Variants in RHOJ observed in about 807,000 individuals in gnomAD.
RHOJ encodes the protein rho-related GTP-binding protein RhoJ.
In RHOJ, 11 loss-of-function variants were observed where a neutral mutation model predicts 23.4. That is an observed-to-expected ratio of 0.47 (90% CI 0.30 to 0.78). The LOEUF (loss-of-function observed/expected upper bound fraction) is 0.78. Ranked by LOEUF, RHOJ falls within the 30% of genes least tolerant of loss-of-function variation. The probability of loss-of-function intolerance (pLI) is 0.08; values close to 1 mark genes in which losing one functional copy is unlikely to be tolerated. For synonymous variants in RHOJ, 102 were observed against 102.7 expected, an observed-to-expected ratio of 0.99 and a Z score of 0.04; for missense variants, 254 against 273.4, an observed-to-expected ratio of 0.93 and a Z score of 0.50.
chr14:63,253,378 T>G (rs906933358), intron 1 of RHOJ, among the ~76,000 whole-genome samples: 3 of 152,050 alleles, frequency 2.0e-5, no homozygotes, highest in African/African-American at 7.2e-5. Flanking sequence ...AAGAATCACC[T>G]GCCTCAGCTT....
intron 1 of RHOJ, among the ~76,000 whole-genome samples, chr14:63,219,798 G>C (rs1894446305): frequency 7.1e-6 from 1 of 141,056 alleles, no homozygotes; most frequent in South Asian, 2.4e-4. Context: ...CCTGGTGACA[G>C]AGCGAGATTG....
chr14:63,224,449 G>T (rs200117376), intron 1 of RHOJ, among the ~76,000 whole-genome samples: 17 of 152,234 alleles, frequency 1.1e-4, no homozygotes, highest in East Asian at 3.9e-4. Context: ...AGCAGCAGTT[G>T]GGGGGAGGGG....
intron 1 of RHOJ, among the ~76,000 whole-genome samples, chr14:63,217,133 T>A (rs1487101758): frequency 4.0e-5 from 6 of 151,036 alleles, no homozygotes; most frequent in East Asian, 3.9e-4. Flanking sequence ...CATGTGCACA[T>A]TGTGCAGGTT....
At chr14:63,255,093 G>T (rs968593200) in intron 1 of RHOJ, among the ~76,000 whole-genome samples, 1 of 151,994 alleles carries the variant, frequency 6.6e-6, no homozygotes, top group Non-Finnish European at 1.5e-5. Flanking sequence ...AAGACCTAAG[G>T]TTACTTTGTT....
At chr14:63,226,320 T>C (rs775056931) in intron 1 of RHOJ, among the ~76,000 whole-genome samples, 3 of 151,840 alleles carry the variant, frequency 2.0e-5, no homozygotes, top group Non-Finnish European at 4.4e-5. Context: ...CAAGGAGAGA[T>C]GGCAAGACAC....
chr14:63,286,552 C>A (rs752627756), intron 4 of RHOJ, among the ~76,000 whole-genome samples: 8 of 152,196 alleles, frequency 5.3e-5, no homozygotes, highest in Non-Finnish European at 1.2e-4. Flanking sequence ...AGTTCACCCA[C>A]AAATGTTTTC....
At chr14:63,272,288 T>C (rs1217598381) in intron 2 of RHOJ, among the ~76,000 whole-genome samples, 1 of 152,204 alleles carries the variant, frequency 6.6e-6, no homozygotes, top group Non-Finnish European at 1.5e-5. Context: ...GGTAGAATAA[T>C]CTGCCTCTTC....
chr14:63,225,662 G>C (rs768490000), intron 1 of RHOJ, among the ~76,000 whole-genome samples: 35 of 152,138 alleles, frequency 2.3e-4, no homozygotes, highest in South Asian at 1.2e-3. Context: ...AGACTCTAAC[G>C]TATTTTGAAA....
intron 3 of RHOJ, among the ~76,000 whole-genome samples, chr14:63,282,124 CT>C (rs964742199): frequency 4.6e-5 from 7 of 152,150 alleles, no homozygotes; most frequent in Admixed American, 2.0e-4. Context: ...TAAATGAAGT[CT>C]TTTGCCTTGA....
intron 1 of RHOJ, among the ~76,000 whole-genome samples, chr14:63,214,577 CAG>C (rs1315424007): frequency 7.9e-5 from 12 of 152,172 alleles, no homozygotes; most frequent in Admixed American, 4.6e-4. Flanking sequence ...AGTGAGGAAA[CAG>C]AGTGTTCTCA....
In RHOJ at chr14:63,282,917, C is replaced by T. The variant is rs185762071; in HGVS notation, c.403-204C>T. 8.6e-5 allele frequency among the ~76,000 whole-genome samples: 13 copies of T among 152,034 alleles called. No homozygotes were observed. In the East Asian group the frequency reaches 1.9e-3, roughly 23 times the overall value. On this transcript the variant is annotated intron_variant, in intron 3 of 4. Transcript: ENST00000316754. ...CAGGGTAACTGTTTGAAGGGGAAAA[C>T]GTAAGGAAAGTCTGTTGTGTACATT...
At chr14:63,258,609 C>T (rs964197381) in intron 1 of RHOJ, among the ~76,000 whole-genome samples, 5 of 152,132 alleles carry the variant, frequency 3.3e-5, no homozygotes, top group African/African-American at 4.8e-5. Flanking sequence ...CCCAACAGCC[C>T]AAAGGAGAGT....
intron 1 of RHOJ, among the ~76,000 whole-genome samples, chr14:63,266,088 A>G (rs187141265): frequency 5.6e-4 from 86 of 152,334 alleles, no homozygotes; most frequent in Admixed American, 2.0e-3. Flanking sequence ...AAGACATGGA[A>G]AGGAAAAGGA....
At chr14:63,205,517 C>T (rs1338682027) in intron 1 of RHOJ, among the ~76,000 whole-genome samples, 2 of 152,144 alleles carry the variant, frequency 1.3e-5, no homozygotes, top group East Asian at 1.9e-4. Flanking sequence ...TAATAAAACA[C>T]TCATTTTTTC....
At chr14:63,257,920 T>C (rs1280416112) in intron 1 of RHOJ, among the ~76,000 whole-genome samples, 1 of 149,634 alleles carries the variant, frequency 6.7e-6, no homozygotes, top group Non-Finnish European at 1.5e-5. Flanking sequence ...ACTTTGCCTC[T>C]AACCCATTAG....
At chr14:63,265,722 G>C (rs376567836) in intron 1 of RHOJ, among the ~76,000 whole-genome samples, 53 of 152,342 alleles carry the variant, frequency 3.5e-4, no homozygotes, top group Non-Finnish European at 6.5e-4. Flanking sequence ...TGCATTTTAG[G>C]GGGGGACAGA....
Position 63,281,186 on chromosome 14 carries a change from C to A in RHOJ, c.402+51C>A, listed in dbSNP as rs775126220. The A allele has an allele frequency of 3.9e-6, 6 of 1,536,120 alleles. No individual in the cohort carries two copies. In the African/African-American group the frequency reaches 8.3e-5, roughly 21 times the overall value. On this transcript the variant is annotated intron_variant, in intron 3 of 4. Coordinates refer to ENST00000316754, the MANE Select transcript of RHOJ (RefSeq NM_020663.5). ...GGAGCGGGCTGCAAAAATGGGAAGA[C>A]CCTTTAGGTACCTCGTGAACATCCT...
At chr14:63,221,748 G>A (rs1302481117) in intron 1 of RHOJ, among the ~76,000 whole-genome samples, 1 of 152,224 alleles carries the variant, frequency 6.6e-6, no homozygotes, top group African/African-American at 2.4e-5. Flanking sequence ...TTCGGTGTGA[G>A]TGGATTCACT....
intron 1 of RHOJ, among the ~76,000 whole-genome samples, chr14:63,219,203 T>C (rs912384265): frequency 6.6e-6 from 1 of 152,126 alleles, no homozygotes; most frequent in African/African-American, 2.4e-5. Flanking sequence ...CCATAAACCC[T>C]GCAATTAACT....
Sources: allele counts gnomAD v4.1 joint callset (sites outside exome capture counted in the v4.1 genomes callset), GRCh38; gene constraint gnomAD v4.1.1; transcripts MANE v1.5; gene names NCBI Gene and HGNC (gene_info 2026-07-23, HGNC 2026-07-21).